EARS2: variants seen among roughly 807,000 people sequenced by gnomAD.
EARS2 encodes the protein glutamyl-tRNA synthetase 2, mitochondrial, also known as nondiscriminating glutamyl-tRNA synthetase EARS2, mitochondrial.
EARS2 carries 50 observed loss-of-function variants against 54.1 expected under a neutral mutation model. The ratio of observed to expected loss-of-function variants is 0.92; its 90% CI spans 0.74 to 1.17. The LOEUF (loss-of-function observed/expected upper bound fraction) is 1.17, where lower values mean the gene tolerates loss of function less well. Ranked by LOEUF, EARS2 falls within the 50% of genes most tolerant of loss-of-function variation. The probability of loss-of-function intolerance (pLI) is 0.00; values close to 1 mark genes in which losing one functional copy is unlikely to be tolerated. For synonymous variants in EARS2, 298 were observed against 281.0 expected, an observed-to-expected ratio of 1.06 and a Z score of -0.61; for missense variants, 673 against 675.0, an observed-to-expected ratio of 1.00 and a Z score of 0.03.
At chr16:23,539,303 T>C (rs1366400036) in intron 3 of EARS2, among the ~76,000 whole-genome samples, 3 of 152,350 alleles carry the variant, frequency 2.0e-5, no homozygotes, top group East Asian at 1.9e-4. Context: ...AGGACTTGTA[T>C]TGCATTGAGT....
At chr16:23,527,550 CTTTTTTT>C (rs33925429) in intron 7 of EARS2, among the ~76,000 whole-genome samples, 2 of 84,484 alleles carry the variant, frequency 2.4e-5, no homozygotes, top group Non-Finnish European at 4.8e-5. Context: ...AGTGATCGTT[CTTTTTTT>C]TTTTTTTTTT....
intron 4 of EARS2, among the ~76,000 whole-genome samples, chr16:23,534,134 G>A (rs895802971): frequency 6.6e-6 from 1 of 152,148 alleles, no homozygotes; most frequent in African/African-American, 2.4e-5. Context: ...ACGGTCAGCA[G>A]GCATCGTGAT....
Position 23,529,773 on chromosome 16 carries a change from A to G in EARS2, c.1192T>C (p.Tyr398His). The G allele has an allele frequency of 6.2e-7, 1 of 1,614,188 alleles. No homozygotes were observed. The change falls in exon 6 of 9, where the codon TAC becomes CAC. Residue 398 changes from tyrosine (Y) to histidine (H), a missense_variant. Tyr to His is a moderately conservative substitution (Grantham distance 83, BLOSUM62 2). Around this residue, in one of 3 missense-constraint regions of EARS2, gnomAD observed 338 missense variants for 361.2 expected, o/e 0.94. Transcript: ENST00000449606. ...LQNRDVLNPV[Y>H]VERILLLRQG... ...CTCAGCAGGAGGATCCTCTCCACGT[A>G]GACTGGGTTGAGGACATCCCTGTTT...
At position 23,525,239 on chromosome 16, in the gene EARS2, C is replaced by T. The variant is rs778246395; in HGVS notation, c.1488+5G>A. On this transcript the variant is annotated splice_donor_5th_base_variant and intron_variant, in intron 8 of 8. Transcript: ENST00000449606. ...GGAACAATCCAACCCGTGTCCCTGC[C>T]TCACCTGCTGTCCACTGAGGGCCAT... 2 of 1,614,058 alleles carry T rather than the reference C, an allele frequency of 1.2e-6. No individual in the cohort carries two copies. The highest frequency in any genetic ancestry group is 1.1e-5 in the South Asian group (1 of 91,088).
intron 1 of EARS2, 103 bp downstream of exon 1, chr16:23,557,102 C>T (rs1420893089): frequency 6.9e-7 from 1 of 1,450,628 alleles, no homozygotes; most frequent in Non-Finnish European, 9.1e-7. Context: ...CCTCCTCCGC[C>T]CGCCCACTCT....
chr16:23,535,272 C>G lies in EARS2; in HGVS notation c.574G>C (p.Glu192Gln), dbSNP rs1346641189. ...TCCTGGAAGGCTGGCACCACCTGCTCCAGGCGGAAGCGGATCGCAGGCTTG... is the reference window on the plus strand; with the variant it reads ...TCCTGGAAGGCTGGCACCACCTGCTGCAGGCGGAAGCGGATCGCAGGCTTG... Reference protein sequence around the residue: ...DPKPAIRFRLEQVVPAFQDLV... With the variant: ...DPKPAIRFRLQQVVPAFQDLV... Residue 192 changes from glutamate to glutamine, a missense_variant, in exon 4 of 9, where the codon GAG (glutamate) becomes CAG (glutamine). Physicochemically the swap from Glu to Gln is conservative, Grantham distance 29. Around this residue, in one of 3 missense-constraint regions of EARS2, gnomAD observed 316 missense variants for 275.2 expected, o/e 1.15. Transcript: ENST00000449606. 6.2e-7 allele frequency: 1 copy of G among 1,608,538 alleles called. No homozygotes were observed. The highest frequency in any genetic ancestry group is 1.1e-5 in the South Asian group (1 of 90,906).
At chr16:23,533,271 G>A (rs942775657) in intron 4 of EARS2, among the ~76,000 whole-genome samples, 14 of 152,074 alleles carry the variant, frequency 9.2e-5, no homozygotes, top group African/African-American at 1.9e-4. Context: ...GCAACAGAGC[G>A]AGACTCTATC....
At chr16:23,557,096 C>T (rs751517264) in intron 1 of EARS2, 109 bp downstream of exon 1, 6 of 1,443,450 alleles carry the variant, frequency 4.2e-6, no homozygotes, top group Non-Finnish European at 5.5e-6. Context: ...CTTAACCCTC[C>T]TCCGCCCGCC....
chr16:23,553,887 C>T (rs1023423162), intron 1 of EARS2, among the ~76,000 whole-genome samples: 4 of 148,322 alleles, frequency 2.7e-5, no homozygotes, highest in Non-Finnish European at 4.4e-5. Flanking sequence ...CAGGGCGAGA[C>T]TCCATCTCCA....
At chr16:23,530,320 C>G (rs1375582002) in intron 5 of EARS2, among the ~76,000 whole-genome samples, 1 of 152,118 alleles carries the variant, frequency 6.6e-6, no homozygotes, top group East Asian at 1.9e-4. Context: ...GAGACAGGGT[C>G]TTGCTATGTT....
chr16:23,553,827 CAG>C (rs1567392056), intron 1 of EARS2, among the ~76,000 whole-genome samples: 1 of 149,906 alleles, frequency 6.7e-6, no homozygotes, highest in Non-Finnish European at 1.5e-5. Context: ...ACCCAGGAGA[CAG>C]AGGTTGCAGT....
chr16:23,521,347 A>G lies in EARS2; in HGVS notation c.*3024T>C, dbSNP rs1339423578. Reference sequence around the variant, plus strand: ...TGCCTGTATAATTTTGATTATTTTAAGTAATTCAAATAAGTAGAATCTTAC... The same window carrying G: ...TGCCTGTATAATTTTGATTATTTTAGGTAATTCAAATAAGTAGAATCTTAC... On this transcript the variant is annotated 3_prime_UTR_variant, in exon 9 of 9. Coordinates refer to ENST00000449606, the MANE Select transcript of EARS2 (RefSeq NM_001083614.2). 1.3e-5 allele frequency among the ~76,000 whole-genome samples: 2 copies of G among 152,140 alleles called. No homozygotes were observed. The highest frequency in any genetic ancestry group is 4.8e-5 in the African/African-American group (2 of 41,434).
Position 23,553,157 on chromosome 16 carries a change from A to AT in EARS2, c.140-854dup, listed in dbSNP as rs1213477683. The AT allele has an allele frequency of 2.6e-5, 5 of 192,620 alleles. No individual in the cohort carries two copies. In the East Asian group the frequency reaches 5.2e-4, roughly 20 times the overall value. 11.9% of individuals were successfully genotyped at this position (192,620 alleles called of 1,614,324 possible). The stretch of plus-strand genomic sequence containing the variant: ...AACAAAAAAAATTAAAAATTAAAAA[A>AT]TTTTTTTTCAAAGACTAAGAACTAG... On this transcript the variant is annotated intron_variant, in intron 1 of 8. Coordinates refer to ENST00000449606, the MANE Select transcript of EARS2 (RefSeq NM_001083614.2).
At chr16:23,542,374 GTGGT>G (rs1965530250) in intron 3 of EARS2, among the ~76,000 whole-genome samples, 1 of 138,074 alleles carries the variant, frequency 7.2e-6, no homozygotes, top group Non-Finnish European at 1.5e-5. Context: ...CTGGAGTGCA[GTGGT>G]GCAGTCTTGG....
chr16:23,543,445 A>G (rs1261329823), intron 3 of EARS2, among the ~76,000 whole-genome samples: 1 of 151,456 alleles, frequency 6.6e-6, no homozygotes, highest in South Asian at 2.1e-4. Context: ...ACAACAAAAA[A>G]AAAACCAAAA....
intron 3 of EARS2, among the ~76,000 whole-genome samples, chr16:23,539,200 T>C (rs1396538488): frequency 6.6e-6 from 1 of 152,120 alleles, no homozygotes; most frequent in Admixed American, 6.6e-5. Flanking sequence ...TGCAGTTGTG[T>C]CCTTTTTTTG....
intron 3 of EARS2, among the ~76,000 whole-genome samples, chr16:23,537,790 C>CTTT (rs1965446840): frequency 6.9e-6 from 1 of 145,572 alleles, no homozygotes; most frequent in Admixed American, 6.9e-5. Context: ...TTTTCTTTTT[C>CTTT]TTTCTTTTTT....
intron 1 of EARS2, among the ~76,000 whole-genome samples, chr16:23,556,156 T>C (rs1051375926): frequency 7.9e-5 from 12 of 152,178 alleles, no homozygotes; most frequent in East Asian, 3.8e-4. Context: ...GATCTTTGTA[T>C]GTTCATCCTG....
intron 7 of EARS2, among the ~76,000 whole-genome samples, chr16:23,527,493 T>TTAC (rs1377329306): frequency 6.6e-6 from 1 of 151,568 alleles, no homozygotes; most frequent in Non-Finnish European, 1.5e-5. Context: ...ACAGATCTCC[T>TTAC]TACTAACTGT....
Sources: allele counts gnomAD v4.1 joint callset (sites outside exome capture counted in the v4.1 genomes callset), GRCh38; gene constraint gnomAD v4.1.1; regional missense constraint gnomAD v4.1.1; transcripts MANE v1.5; gene names NCBI Gene and HGNC (gene_info 2026-07-23, HGNC 2026-07-21).